Variants in THSD7B observed in about 807,000 individuals in gnomAD.
THSD7B encodes the protein thrombospondin type 1 domain containing 7B.
In THSD7B, 138 loss-of-function variants were observed where a neutral mutation model predicts 213.6. That is an observed-to-expected ratio of 0.65 (90% CI 0.56 to 0.74). The LOEUF (loss-of-function observed/expected upper bound fraction) is 0.74, where lower values mean the gene tolerates loss of function less well. Ranked by LOEUF, THSD7B falls within the 30% of genes least tolerant of loss-of-function variation. The pLI is 0.00. For synonymous variants in THSD7B, 742 were observed against 687.0 expected, an observed-to-expected ratio of 1.08 and a Z score of -1.25; for missense variants, 1,931 against 1,991.5, an observed-to-expected ratio of 0.97 and a Z score of 0.58.
At chr2:136,960,103 A>C (rs1241248922) in intron 2 of THSD7B, among the ~76,000 whole-genome samples, 1 of 152,056 alleles carries the variant, frequency 6.6e-6, no homozygotes, top group African/African-American at 2.4e-5. Context: ...GCTGGATGAA[A>C]TGGTCTCTAT....
chr2:136,983,358 G>GACACACAGACACACACAC (rs1553462387), intron 2 of THSD7B, among the ~76,000 whole-genome samples: 1 of 105,028 alleles, frequency 9.5e-6, no homozygotes, highest in African/African-American at 3.2e-5. Context: ...CAGACACACA[G>GACACACAGACACACACAC]ACACACACAC....
chr2:136,945,561 G>C (rs939350625), intron 2 of THSD7B, among the ~76,000 whole-genome samples: 15 of 152,188 alleles, frequency 9.9e-5, no homozygotes, highest in African/African-American at 3.4e-4. Context: ...ATCCTGAAGA[G>C]TGTTTTCCAG....
At chr2:137,308,243 C>A (rs1029653521) in intron 12 of THSD7B, among the ~76,000 whole-genome samples, 1 of 151,876 alleles carries the variant, frequency 6.6e-6, no homozygotes, top group Non-Finnish European at 1.5e-5. Context: ...GAGGTCCAAG[C>A]AGAAAAGATC....
chr2:136,880,137 C>G (rs1384434246), intron 1 of THSD7B, among the ~76,000 whole-genome samples: 1 of 152,184 alleles, frequency 6.6e-6, no homozygotes, highest in Non-Finnish European at 1.5e-5. Flanking sequence ...CTACAGAACT[C>G]TCCACCTCAA....
chr2:137,633,637 T>G (rs575599666), intron 20 of THSD7B, among the ~76,000 whole-genome samples: 191 of 152,234 alleles, frequency 1.3e-3, no homozygotes, highest in Non-Finnish European at 2.2e-3. Context: ...CAGTTTATCA[T>G]ATGTTAAAGG....
At chr2:137,525,069 A>G (rs1680254734) in intron 15 of THSD7B, among the ~76,000 whole-genome samples, 1 of 152,136 alleles carries the variant, frequency 6.6e-6, no homozygotes, top group South Asian at 2.1e-4. Context: ...TTTTCTCACA[A>G]TGGTGGCACA....
chr2:137,248,342 T>C (rs1348054452), intron 10 of THSD7B, among the ~76,000 whole-genome samples: 1 of 152,012 alleles, frequency 6.6e-6, no homozygotes, highest in African/African-American at 2.4e-5. Context: ...AGGGTAGGAG[T>C]CTTTCATTTC....
intron 2 of THSD7B, among the ~76,000 whole-genome samples, chr2:136,967,839 T>A (rs1042391086): frequency 2.0e-5 from 3 of 152,182 alleles, no homozygotes; most frequent in African/African-American, 4.8e-5. Context: ...AGAAAATAGC[T>A]CAGTTTTGAA....
At chr2:137,431,344 G>C (rs879499121) in intron 14 of THSD7B, among the ~76,000 whole-genome samples, 3 of 152,170 alleles carry the variant, frequency 2.0e-5, no homozygotes, top group Non-Finnish European at 4.4e-5. Context: ...AGATTGTAGA[G>C]ACCAGGGTTC....
rs752840617 is a variant in THSD7B at position 137,242,461 on chromosome 2, C to G, written c.2155C>G (p.Pro719Ala). The G allele has an allele frequency of 1.3e-5, 21 of 1,612,964 alleles. No homozygotes were observed. In the South Asian group the frequency reaches 2.2e-4, roughly 17 times the overall value. ...HVGQVMTKRC[P>A]DSTRPETVRP... The stretch of plus-strand genomic sequence containing the variant: ...ATGGTCTTTTCACATTGACAGATGT[C>G]CAGATTCTACTCGACCTGAAACTGT... The change falls in exon 10 of 28, where the codon CCA becomes GCA. Residue 719 changes from proline to alanine, a missense_variant. By Grantham distance (27) the Pro-to-Ala change is conservative (BLOSUM62 -1). Coordinates refer to ENST00000409968, the MANE Select transcript of THSD7B (RefSeq NM_001316349.2).
intron 12 of THSD7B, among the ~76,000 whole-genome samples, chr2:137,353,537 T>C (rs1196090846): frequency 6.6e-6 from 1 of 152,056 alleles, no homozygotes; most frequent in Non-Finnish European, 1.5e-5. Flanking sequence ...TGGATTTCCC[T>C]AAAATAACAA....
Position 136,882,131 on chromosome 2 carries a change from T to C in THSD7B, c.-35-13T>C. The C allele has an allele frequency of 4.2e-6, 6 of 1,432,404 alleles. No individual in the cohort carries two copies. The highest frequency in any genetic ancestry group is 5.5e-6 in the Non-Finnish European group (6 of 1,090,822). The allele number at this position is 1,432,404 out of a possible 1,614,324, so 88.7% of individuals were successfully genotyped here. ...CAGAAGAAACTTACCTGATTTTTCT[T>C]TTTCTCTTTTAGGAATAGGCAAGTC... On this transcript the variant is annotated splice_polypyrimidine_tract_variant and intron_variant, in intron 1 of 27. Coordinates refer to ENST00000409968, the MANE Select transcript of THSD7B (RefSeq NM_001316349.2).
chr2:137,637,432 C>CT (rs1440704291), intron 20 of THSD7B, among the ~76,000 whole-genome samples: 3 of 152,158 alleles, frequency 2.0e-5, no homozygotes, highest in Admixed American at 1.3e-4. Flanking sequence ...CTTGCATGTA[C>CT]TTATTAGCAA....
At chr2:137,418,958 A>G (rs1686860292) in intron 14 of THSD7B, among the ~76,000 whole-genome samples, 1 of 151,282 alleles carries the variant, frequency 6.6e-6, no homozygotes, top group Non-Finnish European at 1.5e-5. Context: ...CCCAGGCTGG[A>G]GTGCAGGGGT....
At chr2:137,624,438 T>A (rs988044946) in intron 20 of THSD7B, among the ~76,000 whole-genome samples, 1 of 152,052 alleles carries the variant, frequency 6.6e-6, no homozygotes, top group Non-Finnish European at 1.5e-5. Context: ...CATGTCTAAA[T>A]CACCAAAAAC....
chr2:137,071,813 G>C (rs1482035934), intron 3 of THSD7B, among the ~76,000 whole-genome samples: 1 of 152,156 alleles, frequency 6.6e-6, no homozygotes, highest in Non-Finnish European at 1.5e-5. Flanking sequence ...TCCAGTTTCA[G>C]CTTTCTACAT....
chr2:137,216,978 T>A (rs1681260692), intron 7 of THSD7B, among the ~76,000 whole-genome samples: 1 of 152,172 alleles, frequency 6.6e-6, no homozygotes, highest in Non-Finnish European at 1.5e-5. Context: ...TCAACTCTCT[T>A]CTCTCTTGGC....
chr2:137,441,631 G>A lies in THSD7B; in HGVS notation c.2960-9214G>A, dbSNP rs114698267. On this transcript the variant is annotated intron_variant, in intron 14 of 27. Transcript: ENST00000409968. ...AATTGGAAACCTGCAGCCCAGTTAA[G>A]GGGCTATTATAATAGTTCAAGTGAG... 9.0e-3 allele frequency among the ~76,000 whole-genome samples: 1,370 copies of A among 152,188 alleles called. 17 individuals carry two copies. Among genetic ancestry groups the A allele is most frequent in the African/African-American group, 0.031 (1,297 of 41,522 alleles).
intron 5 of THSD7B, among the ~76,000 whole-genome samples, chr2:137,154,289 C>T (rs1229884791): frequency 1.3e-5 from 2 of 152,044 alleles, no homozygotes; most frequent in Admixed American, 6.6e-5. Context: ...TAAGATACTT[C>T]TTTTTGTCCT....
Sources: allele counts gnomAD v4.1 joint callset (sites outside exome capture counted in the v4.1 genomes callset), GRCh38; gene constraint gnomAD v4.1.1; transcripts MANE v1.5; gene names NCBI Gene and HGNC (gene_info 2026-07-23, HGNC 2026-07-21).